Variants in LIMK2 observed in about 807,000 individuals in gnomAD.
The protein encoded by LIMK2 is LIM domain kinase 2.
Under a neutral mutation model 75.7 loss-of-function variants are expected in LIMK2, and 35 were observed. The ratio of observed to expected loss-of-function variants is 0.46; its 90% CI spans 0.35 to 0.61. The LOEUF (loss-of-function observed/expected upper bound fraction) is 0.61, where lower values mean the gene tolerates loss of function less well. Among genes scored for constraint, LIMK2 ranks in the 20% least tolerant of loss-of-function variants. LIMK2 has a pLI of 0.00. For synonymous variants in LIMK2, 301 were observed against 319.2 expected, an observed-to-expected ratio of 0.94 and a Z score of 0.61; for missense variants, 623 against 831.0, an observed-to-expected ratio of 0.75 and a Z score of 3.08.
intron 2 of LIMK2, among the ~76,000 whole-genome samples, chr22:31,245,341 G>T (rs1279994138): frequency 6.6e-6 from 1 of 151,810 alleles, no homozygotes; most frequent in Non-Finnish European, 1.5e-5. Context: ...CACTCTTGTT[G>T]CCCAGGCTGG....
At position 31,277,321 on chromosome 22, in the gene LIMK2, A is replaced by G. The variant is rs1207179960; in HGVS notation, c.1773-976A>G. On this transcript the variant is annotated intron_variant, in intron 15 of 15. Coordinates refer to ENST00000331728, the MANE Select transcript of LIMK2 (RefSeq NM_005569.4). The stretch of plus-strand genomic sequence containing the variant: ...CAGTTTTCCACTTTTGGATTTTTTT[A>G]TTGTTATTAAACTGATGGGACTTTG... 5 of 1,427,162 alleles carry G rather than the reference A, an allele frequency of 3.5e-6. No individual in the cohort carries two copies. In the East Asian group the frequency reaches 1.0e-4, roughly 30 times the overall value. The allele number at this position is 1,427,162 out of a possible 1,614,324, so 88.4% of individuals were successfully genotyped here.
intron 2 of LIMK2, among the ~76,000 whole-genome samples, chr22:31,229,457 T>C (rs778862376): frequency 1.3e-5 from 2 of 152,152 alleles, no homozygotes; most frequent in Non-Finnish European, 2.9e-5. Context: ...CTGAATGGTC[T>C]TGTAAGATCT....
chr22:31,254,385 T>G (rs2048756301), intron 2 of LIMK2, among the ~76,000 whole-genome samples: 1 of 152,240 alleles, frequency 6.6e-6, no homozygotes, highest in African/African-American at 2.4e-5. Flanking sequence ...CATGGAACCC[T>G]TGTGCTCCCC....
intron 2 of LIMK2, among the ~76,000 whole-genome samples, chr22:31,242,375 C>G (rs533479814): frequency 6.6e-6 from 1 of 152,302 alleles, no homozygotes; most frequent in South Asian, 2.1e-4. Context: ...TTTTTGAAAA[C>G]TGGGCCAGTT....
At chr22:31,221,685 A>G (rs1049476934) in intron 1 of LIMK2, among the ~76,000 whole-genome samples, 1 of 152,010 alleles carries the variant, frequency 6.6e-6, no homozygotes, top group Non-Finnish European at 1.5e-5. Context: ...AGGTTTCACC[A>G]TATTGGCCAG....
At chr22:31,236,684 C>T (rs1285743226) in intron 2 of LIMK2, among the ~76,000 whole-genome samples, 1 of 147,450 alleles carries the variant, frequency 6.8e-6, no homozygotes, top group Non-Finnish European at 1.5e-5. Context: ...GAGGCCAAGG[C>T]AGGTGGATCA....
chr22:31,269,871 T>G (rs2048937925), intron 11 of LIMK2, among the ~76,000 whole-genome samples: 1 of 151,590 alleles, frequency 6.6e-6, no homozygotes, highest in African/African-American at 2.4e-5. Flanking sequence ...TAATGAAACA[T>G]TTCAAATTTC....
intron 2 of LIMK2, among the ~76,000 whole-genome samples, chr22:31,246,179 G>GCACACACACACACACACACACA (rs1341395963): frequency 0.011 from 768 of 69,712 alleles, 3 homozygotes; most frequent in Middle Eastern, 0.019. Context: ...ACACACGCAC[G>GCACACACACACACACACACACA]CACGCACACA....
chr22:31,255,167 T>G (rs2048765017), intron 2 of LIMK2, among the ~76,000 whole-genome samples: 1 of 152,124 alleles, frequency 6.6e-6, no homozygotes, highest in Non-Finnish European at 1.5e-5. Flanking sequence ...TGTCCTCTTG[T>G]TTCACAGGTG....
At chr22:31,246,183 G>GCGCGCACACACACA (rs746599250) in intron 2 of LIMK2, among the ~76,000 whole-genome samples, 3 of 134,994 alleles carry the variant, frequency 2.2e-5, no homozygotes, top group East Asian at 2.1e-4. Context: ...ACGCACGCAC[G>GCGCGCACACACACA]CACACACACA....
chr22:31,275,061 C>A, intron 14 of LIMK2, 90 bp from the exon 15 acceptor site: 1 of 1,276,386 alleles, frequency 7.8e-7, no homozygotes, highest in Non-Finnish European at 1.1e-6. Context: ...TTCTGCCATT[C>A]TTCCTGTCCA....
At chr22:31,237,164 G>A (rs1316421346) in intron 2 of LIMK2, among the ~76,000 whole-genome samples, 2 of 151,576 alleles carry the variant, frequency 1.3e-5, no homozygotes, top group African/African-American at 2.4e-5. Flanking sequence ...AGGAGGCTGA[G>A]GCAGGAGAAT....
At chr22:31,275,878 C>T (rs921289183) in intron 15 of LIMK2, among the ~76,000 whole-genome samples, 1 of 152,102 alleles carries the variant, frequency 6.6e-6, no homozygotes, top group African/African-American at 2.4e-5. Context: ...TACCTTTATT[C>T]TTCTCAGGTA....
At chr22:31,263,779 C>T (rs1483668378) in intron 7 of LIMK2, among the ~76,000 whole-genome samples, 6 of 152,216 alleles carry the variant, frequency 3.9e-5, no homozygotes, top group Non-Finnish European at 5.9e-5. Context: ...CGGAGGATTG[C>T]TTGAGGCCAG....
intron 2 of LIMK2, among the ~76,000 whole-genome samples, chr22:31,246,505 G>T (rs2048671604): frequency 6.6e-6 from 1 of 152,070 alleles, no homozygotes; most frequent in Admixed American, 6.6e-5. Flanking sequence ...AGTCTGTATG[G>T]CCTGCAGAGC....
intron 2 of LIMK2, among the ~76,000 whole-genome samples, chr22:31,250,701 A>C (rs1248489671): frequency 6.6e-6 from 1 of 152,046 alleles, no homozygotes; most frequent in Admixed American, 6.5e-5. Flanking sequence ...ATCCGTTACC[A>C]CATCACTACC....
chr22:31,223,660 A>T (rs974011088), intron 1 of LIMK2, among the ~76,000 whole-genome samples: 3 of 152,104 alleles, frequency 2.0e-5, no homozygotes, highest in African/African-American at 7.2e-5. Context: ...CCGTAACCCA[A>T]CCTGGGATTG....
At chr22:31,253,242 G>C (rs966540693) in intron 2 of LIMK2, among the ~76,000 whole-genome samples, 1 of 152,156 alleles carries the variant, frequency 6.6e-6, no homozygotes, top group Non-Finnish European at 1.5e-5. Flanking sequence ...CTCCCAGCTG[G>C]GTACTCTTCT....
At position 31,259,159 on chromosome 22, in the gene LIMK2, C is replaced by T. The variant is rs115777952; in HGVS notation, c.291C>T (p.Ala97=). The stretch of plus-strand genomic sequence containing the variant: ...TCAAGTACCACCCAGAGTGCTTTGC[C>T]TGTATGAGCTGCAAGGTGATCATTG... ...GEFKYHPECF[A]CMSCKVIIED... is the part of the protein sequence containing the mutation. The change falls in exon 4 of 16, where the codon GCC becomes GCT. Residue 97 remains alanine (A), a synonymous_variant. Transcript: ENST00000331728. The T allele has an allele frequency of 5.8e-4, 940 of 1,613,818 alleles. 10 individuals carry two copies. In the African/African-American group the frequency reaches 0.011, roughly 19 times the overall value.
Sources: gnomAD v4.1 joint callset for allele counts (sites outside exome capture counted in the v4.1 genomes callset) on GRCh38, gnomAD v4.1.1 for gene constraint, MANE v1.5 for transcripts, NCBI Gene and HGNC (gene_info 2026-07-23, HGNC 2026-07-21) for gene names.